Variants in BRAF observed in about 807,000 individuals in gnomAD.
The protein encoded by BRAF is B-Raf proto-oncogene, serine/threonine kinase.
In BRAF, 16 loss-of-function variants were observed where a neutral mutation model predicts 104.6. The ratio of observed to expected loss-of-function variants is 0.15; its 90% confidence interval spans 0.10 to 0.23. The LOEUF (loss-of-function observed/expected upper bound fraction) is 0.23, where lower values mean the gene tolerates loss of function less well. Ranked by LOEUF, BRAF falls within the 10% of genes least tolerant of loss-of-function variation. The pLI, the probability that BRAF is intolerant of heterozygous loss-of-function variation, is 1.00. For synonymous variants in BRAF, 310 were observed against 341.6 expected (o/e 0.91, Z 1.02); for missense variants, 541 against 937.3 (o/e 0.58, Z 5.52).
At chr7:140,728,412 C>T (rs763278974) in intron 19 of BRAF, among the ~76,000 whole-genome samples, 1 of 152,104 alleles carries the variant, frequency 6.6e-6, no homozygotes, top group Non-Finnish European at 1.5e-5. Flanking sequence ...TGCAGATAGT[C>T]TATTATCTCT....
At chr7:140,905,098 G>A (rs1173822383) in intron 1 of BRAF, among the ~76,000 whole-genome samples, 1 of 152,100 alleles carries the variant, frequency 6.6e-6, no homozygotes, top group Non-Finnish European at 1.5e-5. Context: ...CTACATGCTT[G>A]AAAAGAATGT....
chr7:140,892,449 A>C (rs531833886), intron 1 of BRAF, among the ~76,000 whole-genome samples: 39 of 152,228 alleles, frequency 2.6e-4, no homozygotes, highest in Non-Finnish European at 4.6e-4. Flanking sequence ...AAATCAAATA[A>C]GATTTAGATA....
In BRAF at chr7:140,897,834, C is replaced by A. The variant is rs532552551; in HGVS notation, c.138+26732G>T. Among the ~76,000 whole-genome samples the A allele has an allele frequency of 1.9e-3, 286 of 151,838 alleles. 1 individual carries two copies. Among genetic ancestry groups the A allele is most frequent in the Non-Finnish European group, 3.1e-3 (212 of 67,946 alleles). On this transcript the variant is annotated intron_variant, in intron 1 of 19. Coordinates refer to ENST00000644969, the MANE Select transcript of BRAF (RefSeq NM_001374258.1). ...TTCTTAAAAAAATCAAAATCAAAAT[C>A]AAAATAAATAAATAAATGAAAAGAC...
chr7:140,804,527 G>A (rs1803461230), intron 5 of BRAF, among the ~76,000 whole-genome samples: 1 of 151,964 alleles, frequency 6.6e-6, no homozygotes, highest in Admixed American at 6.6e-5. Context: ...ATTTTACCAG[G>A]CTGGCCAGGC....
In BRAF at chr7:140,720,019, A is replaced by C; in HGVS notation, c.*6475T>G. 2 of 1,062,048 alleles carry C rather than the reference A, an allele frequency of 1.9e-6. No homozygotes were observed. Among genetic ancestry groups the C allele is most frequent in the Non-Finnish European group, 2.3e-6 (2 of 877,230 alleles). 65.8% of individuals were successfully genotyped at this position (1,062,048 alleles called of 1,614,324 possible). On this transcript the variant is annotated 3_prime_UTR_variant, in exon 20 of 20. Coordinates refer to ENST00000644969, the MANE Select transcript of BRAF (RefSeq NM_001374258.1). Reference sequence around the variant, plus strand: ...TCTCCCTTACAGGAGTCATGTCCTCAAACCAAGGAATACATGAAAAGGGGG... The same window carrying C: ...TCTCCCTTACAGGAGTCATGTCCTCCAACCAAGGAATACATGAAAAGGGGG...
chr7:140,730,627 G>C (rs148532044), intron 19 of BRAF, 38 bp downstream of exon 18: 1 of 151,866 alleles, frequency 6.6e-6, no homozygotes, highest in African/African-American at 2.4e-5. Context: ...GCCTCCCAAA[G>C]TGCTGGGATT....
At chr7:140,756,878 A>G (rs1798246338) in intron 14 of BRAF, among the ~76,000 whole-genome samples, 1 of 152,192 alleles carries the variant, frequency 6.6e-6, no homozygotes, top group South Asian at 2.1e-4. Flanking sequence ...ATCATCTGGT[A>G]AAATTTCTTC....
chr7:140,887,156 C>T (rs1813662329), intron 1 of BRAF, among the ~76,000 whole-genome samples: 1 of 152,182 alleles, frequency 6.6e-6, no homozygotes, highest in African/African-American at 2.4e-5. Flanking sequence ...CAAGTTTAAA[C>T]AACCAGATAA....
At chr7:140,853,594 T>G (rs369078281) in intron 1 of BRAF, among the ~76,000 whole-genome samples, 1 of 152,200 alleles carries the variant, frequency 6.6e-6, no homozygotes, top group Admixed American at 6.5e-5. Flanking sequence ...CTATTCCTTC[T>G]GCCTGGAATG....
At chr7:140,754,050 T>C (rs1398562925) in intron 15 of BRAF, 137 bp downstream of exon 14, 7 of 923,776 alleles carry the variant, frequency 7.6e-6, no homozygotes, top group Middle Eastern at 2.2e-4. Context: ...TATACATGCA[T>C]GCACAATCCT....
intron 1 of BRAF, among the ~76,000 whole-genome samples, chr7:140,902,920 C>CTTTT (rs111746402): frequency 8.0e-6 from 1 of 125,536 alleles, no homozygotes; most frequent in Admixed American, 7.9e-5. Flanking sequence ...GACAGGATGA[C>CTTTT]TTTTTTTTTT....
intron 16 of BRAF, among the ~76,000 whole-genome samples, chr7:140,752,795 G>T (rs1405628853): frequency 6.6e-6 from 1 of 151,948 alleles, no homozygotes; most frequent in Non-Finnish European, 1.5e-5. Context: ...CTGTTAAAAG[G>T]AGTAGTTCTC....
rs776453584 is a variant in BRAF at position 140,794,415 on chromosome 7, G to A, written c.1033C>T (p.Pro345Ser). The A allele has an allele frequency of 6.2e-7, 1 of 1,614,088 alleles. No individual in the cohort carries two copies. The highest frequency in any genetic ancestry group is 1.1e-5 in the South Asian group (1 of 91,088). The stretch of plus-strand genomic sequence containing the variant: ...TGATCTTCATCTGCTGGTCGGAAGG[G>A]CTGTGGAATTGGAATGGATTTTGAA... ...SPSKSIPIPQ[P>S]FRPADEDHRN... Residue 345 changes from proline to serine, a missense_variant, in exon 8 of 20, where the codon CCC (proline) becomes TCC (serine). Pro to Ser is a moderately conservative substitution (Grantham distance 74). Around this residue, in one of 10 missense-constraint regions of BRAF, gnomAD observed 79 missense variants for 74.6 expected, o/e 1.06. Coordinates refer to ENST00000644969, the MANE Select transcript of BRAF (RefSeq NM_001374258.1).
chr7:140,895,953 T>C (rs1814840481), intron 1 of BRAF, among the ~76,000 whole-genome samples: 1 of 152,222 alleles, frequency 6.6e-6, no homozygotes, highest in Admixed American at 6.5e-5. Flanking sequence ...GTGGGATTGC[T>C]AGATCACAGG....
intron 1 of BRAF, among the ~76,000 whole-genome samples, chr7:140,879,779 G>C (rs1322917245): frequency 6.6e-6 from 1 of 150,524 alleles, no homozygotes; most frequent in Non-Finnish European, 1.5e-5. Flanking sequence ...CGCCCAGGGT[G>C]GGAGTACAGT....
At chr7:140,878,861 T>A (rs1212570525) in intron 1 of BRAF, among the ~76,000 whole-genome samples, 1 of 152,038 alleles carries the variant, frequency 6.6e-6, no homozygotes, top group Non-Finnish European at 1.5e-5. Context: ...GAAATATATA[T>A]AATCATTATG....
In BRAF at chr7:140,859,282, G is replaced by C. The variant is rs558456724; in HGVS notation, c.139-9070C>G. ...CTGAGTTTGTTTCATGCAAGAAAAG[G>C]CTGATCAGCCACAGAGTACTGATGG... On this transcript the variant is annotated intron_variant, in intron 1 of 19. Transcript: ENST00000644969. Among the ~76,000 whole-genome samples, 10 of 152,252 alleles carry C rather than the reference G, an allele frequency of 6.6e-5. No individual in the cohort carries two copies. In the East Asian group the frequency reaches 1.7e-3, roughly 26 times the overall value.
intron 1 of BRAF, among the ~76,000 whole-genome samples, chr7:140,874,454 C>A (rs1229929799): frequency 6.6e-6 from 1 of 150,704 alleles, no homozygotes; most frequent in South Asian, 2.1e-4. Context: ...CCCGCCTTGG[C>A]CTCCCAAAGT....
chr7:140,842,963 A>C (rs576820291), intron 2 of BRAF, among the ~76,000 whole-genome samples: 34 of 152,334 alleles, frequency 2.2e-4, no homozygotes, highest in South Asian at 1.4e-3. Flanking sequence ...TGAAGAGAAG[A>C]AGCAAGAATA....
Sources: gnomAD v4.1 joint callset for allele counts (sites outside exome capture counted in the v4.1 genomes callset) on GRCh38, gnomAD v4.1.1 for gene constraint, gnomAD v4.1.1 regional missense constraint, MANE v1.5 for transcripts, NCBI Gene and HGNC (gene_info 2026-07-23, HGNC 2026-07-21) for gene names.